The following PKNOX2 variants were observed in gnomAD, a reference collection of about 807,000 sequenced individuals.
The protein encoded by PKNOX2 is PBX/knotted 1 homeobox 2.
PKNOX2 carries 14 observed loss-of-function variants against 53.1 expected under a neutral mutation model. The observed-to-expected ratio is 0.26, with a 90% confidence interval of 0.17 to 0.41. PKNOX2 has a LOEUF of 0.41. PKNOX2 is among the 10% of genes least tolerant of loss of function. The pLI, the probability that PKNOX2 is intolerant of heterozygous loss-of-function variation, is 1.00. For missense variants in PKNOX2, 496 were observed against 602.8 expected (o/e 0.82, Z 1.85); for synonymous variants, 257 against 242.8 (o/e 1.06, Z -0.54).
intron 1 of PKNOX2, among the ~76,000 whole-genome samples, chr11:125,207,378 G>A (rs1165588409): frequency 6.6e-6 from 1 of 152,098 alleles, no homozygotes; most frequent in Non-Finnish European, 1.5e-5. Context: ...AGACAGAAAT[G>A]TGAGTGCCGT....
In PKNOX2 at chr11:125,260,385, G is replaced by A. The variant is rs1301509935; in HGVS notation, c.-130+25270G>A. On this transcript the variant is annotated intron_variant, in intron 2 of 12. Transcript: ENST00000298282. ...AGCTAATTTTTGTATTTTTAGTAGA[G>A]ACGGGGTTTCACCATGTTGTCCAGG... Among the ~76,000 whole-genome samples the A allele has an allele frequency of 2.0e-5, 3 of 151,882 alleles. No homozygotes were observed. The East Asian group carries it at 5.8e-4, about 30-fold the overall frequency.
intron 2 of PKNOX2, among the ~76,000 whole-genome samples, chr11:125,248,260 A>G (rs1055108755): frequency 5.3e-5 from 8 of 152,116 alleles, no homozygotes; most frequent in Non-Finnish European, 8.8e-5. Context: ...CCTGAAGGCA[A>G]TTTGTCACTA....
intron 5 of PKNOX2, among the ~76,000 whole-genome samples, chr11:125,379,713 T>C (rs371355569): frequency 1.3e-5 from 2 of 151,990 alleles, no homozygotes; most frequent in Admixed American, 6.6e-5. Context: ...TCTAATCGCC[T>C]CTCCCGGGGA....
At chr11:125,411,672 C>T (rs904079629) in intron 9 of PKNOX2, 74 bp from the exon 10 acceptor site, 1 of 1,609,728 alleles carries the variant, frequency 6.2e-7, no homozygotes, top group Non-Finnish European at 8.5e-7. Flanking sequence ...AGCCTGCCGT[C>T]GCTATGGCAA....
chr11:125,348,523 G>A (rs1462582231), intron 3 of PKNOX2, among the ~76,000 whole-genome samples: 1 of 152,186 alleles, frequency 6.6e-6, no homozygotes, highest in African/African-American at 2.4e-5. Context: ...GTCTTCTTTC[G>A]ACGCGGGTCT....
intron 2 of PKNOX2, among the ~76,000 whole-genome samples, chr11:125,310,369 C>A (rs1948727865): frequency 6.6e-6 from 1 of 151,960 alleles, no homozygotes; most frequent in Admixed American, 6.6e-5. Flanking sequence ...GTGGCGCATG[C>A]CTGTAATCCC....
intron 1 of PKNOX2, among the ~76,000 whole-genome samples, chr11:125,230,859 T>C (rs190922379): frequency 1.6e-4 from 24 of 152,270 alleles, no homozygotes; most frequent in African/African-American, 5.8e-4. Context: ...GATGAGAAAA[T>C]TGAGGTTCAT....
Position 125,432,442 on chromosome 11 carries a change from T to C in PKNOX2, c.*1050T>C, listed in dbSNP as rs966025145. 2.0e-5 allele frequency: 3 copies of C among 152,718 alleles called. No homozygotes were observed. The highest frequency in any genetic ancestry group is 7.2e-5 in the African/African-American group (3 of 41,444). 9.5% of individuals were successfully genotyped at this position (152,718 alleles called of 1,614,324 possible). On this transcript the variant is annotated 3_prime_UTR_variant, in exon 13 of 13. Transcript: ENST00000298282. The stretch of plus-strand genomic sequence containing the variant: ...TCCTTCAGGGAAGGCAGAAGAAACA[T>C]TGGAAAGCATCTAGTCCAGTGGGAA...
In PKNOX2 at chr11:125,222,632, T is replaced by TGTATGTGTGTGC. The variant is rs71042482; in HGVS notation, c.-200-12400_-200-12389dup. Reference sequence around the variant, plus strand: ...GTGTGTATGTGTGTGTATGTGTGTGTGTATGTGTGTGCGTATGTGTGTGCT... The same window carrying TGTATGTGTGTGC: ...GTGTGTATGTGTGTGTATGTGTGTGTGTATGTGTGTGCGTATGTGTGTGCGTATGTGTGTGCT... On this transcript the variant is annotated intron_variant, in intron 1 of 12. Transcript: ENST00000298282. 8.5e-3 allele frequency among the ~76,000 whole-genome samples: 1,216 copies of TGTATGTGTGTGC among 142,822 alleles called. 26 individuals are homozygous for TGTATGTGTGTGC. The highest frequency in any genetic ancestry group is 0.032 in the African/African-American group (1,111 of 34,240). 93.7% of individuals were successfully genotyped at this position (142,822 alleles called of 152,430 possible).
At chr11:125,419,666 A>T (rs906302317) in intron 10 of PKNOX2, among the ~76,000 whole-genome samples, 3 of 151,822 alleles carry the variant, frequency 2.0e-5, no homozygotes, top group African/African-American at 7.3e-5. Flanking sequence ...AAAGGCTGTG[A>T]GGCCATCATT....
At chr11:125,218,250 T>A (rs1940755701) in intron 1 of PKNOX2, among the ~76,000 whole-genome samples, 1 of 151,924 alleles carries the variant, frequency 6.6e-6, no homozygotes. Flanking sequence ...GCCCCCGAGC[T>A]AAGTACTGGG....
intron 2 of PKNOX2, among the ~76,000 whole-genome samples, chr11:125,239,199 A>G (rs992666401): frequency 2.6e-5 from 4 of 152,234 alleles, no homozygotes; most frequent in African/African-American, 9.6e-5. Flanking sequence ...CTCATAAACT[A>G]TTGATATTTT....
intron 7 of PKNOX2, among the ~76,000 whole-genome samples, chr11:125,406,107 T>C (rs1219074188): frequency 6.6e-6 from 1 of 152,214 alleles, no homozygotes; most frequent in Non-Finnish European, 1.5e-5. Context: ...GGCATCTACC[T>C]GGGTTTGGAG....
intron 5 of PKNOX2, among the ~76,000 whole-genome samples, chr11:125,381,770 C>T (rs1436102425): frequency 6.6e-6 from 1 of 152,194 alleles, no homozygotes; most frequent in Non-Finnish European, 1.5e-5. Context: ...CCACACTCAG[C>T]TACATCTTGT....
intron 1 of PKNOX2, among the ~76,000 whole-genome samples, chr11:125,220,760 G>A (rs1354572558): frequency 1.3e-5 from 2 of 152,150 alleles, no homozygotes; most frequent in Non-Finnish European, 2.9e-5. Flanking sequence ...CAGAGGGGAT[G>A]TTCCTCCGAA....
chr11:125,242,364 C>T (rs1349474177), intron 2 of PKNOX2, among the ~76,000 whole-genome samples: 2 of 152,168 alleles, frequency 1.3e-5, no homozygotes. Context: ...CCTGCCCATC[C>T]ACCCATCCAT....
At position 125,251,105 on chromosome 11, in the gene PKNOX2, A is replaced by G. The variant is rs536310227; in HGVS notation, c.-130+15990A>G. On this transcript the variant is annotated intron_variant, in intron 2 of 12. Transcript: ENST00000298282. ...AGCGGCCTGTAGCCCCCGAGTCATC[A>G]CGGGAGGCGTGTGACTTCTTCTTTC... 3.3e-5 allele frequency among the ~76,000 whole-genome samples: 5 copies of G among 152,306 alleles called. No individual in the cohort carries two copies. The East Asian group carries it at 9.7e-4, about 29-fold the overall frequency.
intron 1 of PKNOX2, among the ~76,000 whole-genome samples, chr11:125,177,455 G>T (rs1955784473): frequency 6.6e-6 from 1 of 152,234 alleles, no homozygotes; most frequent in Admixed American, 6.5e-5. Context: ...GGGTCAGGCA[G>T]GCAGGGGTTA....
intron 2 of PKNOX2, among the ~76,000 whole-genome samples, chr11:125,269,094 C>G (rs1033249131): frequency 6.6e-6 from 1 of 152,162 alleles, no homozygotes; most frequent in African/African-American, 2.4e-5. Flanking sequence ...GATGGGAATT[C>G]TTGTAAATTT....
Sources: allele counts gnomAD v4.1 joint callset (sites outside exome capture counted in the v4.1 genomes callset), GRCh38; gene constraint gnomAD v4.1.1; transcripts MANE v1.5; gene names NCBI Gene and HGNC (gene_info 2026-07-23, HGNC 2026-07-21).